The following UNC13C variants were observed in gnomAD, a reference collection of about 807,000 sequenced individuals.
The protein encoded by UNC13C is unc-13 homolog C.
Under a neutral mutation model 245.4 loss-of-function variants are expected in UNC13C, and 174 were observed. That is an observed-to-expected ratio of 0.71 (90% CI 0.63 to 0.80). The LOEUF is 0.80. Ranked by LOEUF, UNC13C falls within the 30% of genes least tolerant of loss-of-function variation. The probability of loss-of-function intolerance (pLI) is 0.00; values close to 1 mark genes in which losing one functional copy is unlikely to be tolerated. For synonymous variants in UNC13C, 992 were observed against 895.1 expected (o/e 1.11, Z -1.93); for missense variants, 2,829 against 2,602.9 (o/e 1.09, Z -1.89).
intron 7 of UNC13C, among the ~76,000 whole-genome samples, chr15:54,245,238 A>G (rs1433607530): frequency 6.6e-6 from 1 of 152,178 alleles, no homozygotes; most frequent in African/African-American, 2.4e-5. Flanking sequence ...GGAAAAAAGA[A>G]CATTTATAGT....
chr15:53,899,168 G>A, the UNC13C span, among the ~76,000 whole-genome samples: 1,183 of 152,048 alleles, frequency 7.8e-3, 14 homozygotes, highest in African/African-American at 0.027. Flanking sequence ...TTACACTATT[G>A]CACTTATTTA....
At chr15:54,085,419 C>T (rs1440982814) in intron 2 of UNC13C, among the ~76,000 whole-genome samples, 1 of 152,006 alleles carries the variant, frequency 6.6e-6, no homozygotes, top group Non-Finnish European at 1.5e-5. Context: ...TTTGGGGTTC[C>T]TCAGAATTTG....
chr15:54,180,407 A>T (rs975839883), intron 4 of UNC13C, among the ~76,000 whole-genome samples: 2 of 152,048 alleles, frequency 1.3e-5, no homozygotes, highest in Non-Finnish European at 1.5e-5. Context: ...TCCACCGTGG[A>T]TGGGCACCTA....
intron 2 of UNC13C, among the ~76,000 whole-genome samples, chr15:54,024,582 C>T (rs1048251436): frequency 1.3e-5 from 2 of 152,136 alleles, no homozygotes; most frequent in African/African-American, 4.8e-5. Context: ...TTGAGTTCTA[C>T]ACCATGGCTC....
chr15:54,076,712 C>T (rs990569184), intron 2 of UNC13C, among the ~76,000 whole-genome samples: 3 of 152,150 alleles, frequency 2.0e-5, no homozygotes, highest in Admixed American at 1.3e-4. Context: ...TCATTACCCA[C>T]CACCCAACAC....
the UNC13C span, chr15:53,955,896 A>C: frequency 6.6e-6 from 1 of 152,188 alleles, no homozygotes; most frequent in African/African-American, 2.4e-5. Flanking sequence ...ACCACAGCAC[A>C]ATTCTCAATA....
At chr15:53,907,600 A>T in the UNC13C span, among the ~76,000 whole-genome samples, 1 of 152,146 alleles carries the variant, frequency 6.6e-6, no homozygotes, top group South Asian at 2.1e-4. Context: ...CTCATATGTA[A>T]TGTGGAGATA....
At chr15:54,064,276 A>G (rs1157750766) in intron 2 of UNC13C, among the ~76,000 whole-genome samples, 3 of 152,118 alleles carry the variant, frequency 2.0e-5, no homozygotes, top group Non-Finnish European at 4.4e-5. Context: ...TTCATTTGTT[A>G]TTTCTGCCTG....
Position 53,995,357 on chromosome 15 carries a change from C to T in UNC13C, c.-257+16430C>T, listed in dbSNP as rs375592282. On this transcript the variant is annotated intron_variant, in intron 1 of 32. Transcript: ENST00000260323. ...ACCCTTCAGATAAAACTCTCATTAGCCCCAGTCTTCAACCTAGAAATCAAT... is the reference window on the plus strand; with the variant it reads ...ACCCTTCAGATAAAACTCTCATTAGTCCCAGTCTTCAACCTAGAAATCAAT... Among the ~76,000 whole-genome samples, 8 of 152,044 alleles carry T rather than the reference C, an allele frequency of 5.3e-5. No individual in the cohort carries two copies. In the East Asian group the frequency reaches 1.4e-3, roughly 26 times the overall value.
chr15:54,231,076 T>C (rs12902194), intron 4 of UNC13C, among the ~76,000 whole-genome samples: 42,650 of 151,826 alleles, frequency 0.28, 6,304 homozygotes, highest in Non-Finnish European at 0.31. Flanking sequence ...GAAGAACACT[T>C]GAATACTTGG....
intron 2 of UNC13C, among the ~76,000 whole-genome samples, chr15:54,139,350 T>C (rs1335322558): frequency 6.6e-6 from 1 of 152,110 alleles, no homozygotes; most frequent in Non-Finnish European, 1.5e-5. Flanking sequence ...CCGTCTGCAG[T>C]GGTCCTATTT....
intron 4 of UNC13C, among the ~76,000 whole-genome samples, chr15:54,186,856 T>TATATA (rs1567079918): frequency 2.5e-5 from 3 of 120,170 alleles, no homozygotes; most frequent in Admixed American, 7.5e-5. Context: ...TATATATATA[T>TATATA]TTTGTTTTTT....
intron 2 of UNC13C, among the ~76,000 whole-genome samples, chr15:54,108,434 G>A (rs550022290): frequency 1.2e-4 from 18 of 152,210 alleles, no homozygotes; most frequent in Admixed American, 5.9e-4. Context: ...TGATCCGCCC[G>A]CTTTGGCCTC....
rs1015704718 is a variant in UNC13C at position 54,518,762 on chromosome 15, G to A, written c.5458-6787G>A. 3.3e-5 allele frequency among the ~76,000 whole-genome samples: 5 copies of A among 152,234 alleles called. No homozygotes were observed. The East Asian group carries it at 9.7e-4, about 29-fold the overall frequency. Reference sequence around the variant, plus strand: ...CTGGGTGGACTATATTCACATCGCTGAGCAGTGGTTTATAACACATGCAGG... The same window carrying A: ...CTGGGTGGACTATATTCACATCGCTAAGCAGTGGTTTATAACACATGCAGG... On this transcript the variant is annotated intron_variant, in intron 24 of 32. Transcript: ENST00000260323.
chr15:54,370,661 T>A (rs930844544), intron 17 of UNC13C, among the ~76,000 whole-genome samples: 2 of 152,162 alleles, frequency 1.3e-5, no homozygotes, highest in Non-Finnish European at 2.9e-5. Flanking sequence ...TAATCTGACA[T>A]GTTGTCATAT....
intron 4 of UNC13C, among the ~76,000 whole-genome samples, chr15:54,155,695 T>C (rs150934417): frequency 5.9e-5 from 9 of 152,314 alleles, no homozygotes; most frequent in Non-Finnish European, 8.8e-5. Flanking sequence ...TAAAGAGTAA[T>C]GTACTTTCCA....
At chr15:53,840,909 T>TGG in the UNC13C span, among the ~76,000 whole-genome samples, 13 of 152,260 alleles carry the variant, frequency 8.5e-5, no homozygotes, top group Non-Finnish European at 1.6e-4. Context: ...AGGCATAGCA[T>TGG]GGGTACATCA....
At chr15:53,873,650 T>A in the UNC13C span, among the ~76,000 whole-genome samples, 1 of 84,854 alleles carries the variant, frequency 1.2e-5, no homozygotes, top group Non-Finnish European at 2.5e-5. Context: ...GAAGTGATTC[T>A]CTTGGAGGCC....
chr15:53,916,492 G>C, the UNC13C span, among the ~76,000 whole-genome samples: 1 of 152,196 alleles, frequency 6.6e-6, no homozygotes, highest in African/African-American at 2.4e-5. Context: ...AAACAAACCA[G>C]AGAGAGAATG....
Sources: gnomAD v4.1 joint callset for allele counts (sites outside exome capture counted in the v4.1 genomes callset) on GRCh38, gnomAD v4.1.1 for gene constraint, MANE v1.5 for transcripts, NCBI Gene and HGNC (gene_info 2026-07-23, HGNC 2026-07-21) for gene names.